MAP3K20: variants seen among roughly 807,000 people sequenced by gnomAD.
The protein encoded by MAP3K20 is HCCS-4.
Under a neutral mutation model 85.7 loss-of-function variants are expected in MAP3K20, and 40 were observed. The ratio of observed to expected loss-of-function variants is 0.47; its 90% CI spans 0.36 to 0.61. The LOEUF is 0.61. Ranked by LOEUF, MAP3K20 falls within the 20% of genes least tolerant of loss-of-function variation. The pLI, the probability that MAP3K20 is intolerant of heterozygous loss-of-function variation, is 0.00. For missense variants in MAP3K20, 817 were observed against 961.7 expected, an observed-to-expected ratio of 0.85 and a Z score of 1.99; for synonymous variants, 325 against 327.7, an observed-to-expected ratio of 0.99 and a Z score of 0.09.
rs566006200 is a variant in MAP3K20 at position 173,166,291 on chromosome 2, T to G, written c.160-3514T>G. On this transcript the variant is annotated intron_variant, in intron 2 of 19. Transcript: ENST00000375213. ...TAATTCCTATTTACAGCAGAAATAA[T>G]GTTTCATTGTTTTTATATATAGCCT... Among the ~76,000 whole-genome samples, 108 of 152,350 alleles carry G rather than the reference T, an allele frequency of 7.1e-4. 1 individual carries two copies. Among genetic ancestry groups the G allele is most frequent in the African/African-American group, 2.5e-3 (102 of 41,582 alleles).
intron 11 of MAP3K20, among the ~76,000 whole-genome samples, chr2:173,219,263 T>C (rs566373762): frequency 6.6e-6 from 1 of 152,346 alleles, no homozygotes; most frequent in Non-Finnish European, 1.5e-5. Flanking sequence ...AAGTTTAACA[T>C]TTATGTAACT....
chr2:173,267,456 G>A lies in MAP3K20; in HGVS notation c.*706G>A, dbSNP rs1685451759. On this transcript the variant is annotated 3_prime_UTR_variant, in exon 20 of 20. Transcript: ENST00000375213. Reference sequence around the variant, plus strand: ...TTTAGTAAGATATTTGTGTCTGTATGATGGTCAGAGTTGAACTGATCTGGC... The same window carrying A: ...TTTAGTAAGATATTTGTGTCTGTATAATGGTCAGAGTTGAACTGATCTGGC... The A allele has an allele frequency of 6.6e-6, 1 of 152,068 alleles. No homozygotes were observed. Among genetic ancestry groups the A allele is most frequent in the Non-Finnish European group, 1.5e-5 (1 of 68,018 alleles). 9.4% of individuals were successfully genotyped at this position (152,068 alleles called of 1,614,324 possible).
chr2:173,183,016 G>A, intron 4 of MAP3K20, 61 bp downstream of exon 4: 1 of 1,298,776 alleles, frequency 7.7e-7, no homozygotes, highest in Admixed American at 2.0e-5. Flanking sequence ...TCCTGAAATG[G>A]GGACTTAACA....
At chr2:173,220,080 G>GAAAAAAAAAAAAAAAA (rs76443589) in intron 11 of MAP3K20, among the ~76,000 whole-genome samples, 5 of 85,498 alleles carry the variant, frequency 5.8e-5, no homozygotes, top group African/African-American at 9.7e-5. Flanking sequence ...AAAAAAAAAG[G>GAAAAAAAAAAAAAAAA]AAACTGATCC....
chr2:173,096,701 C>G (rs1283230913), intron 2 of MAP3K20, among the ~76,000 whole-genome samples: 1 of 152,208 alleles, frequency 6.6e-6, no homozygotes, highest in Non-Finnish European at 1.5e-5. Flanking sequence ...TTTCCACTCT[C>G]AATATGTGGC....
rs574930757 is a variant in MAP3K20, at chr2:173,098,293, T to C, written c.159+7103T>C. 2.0e-3 allele frequency among the ~76,000 whole-genome samples: 304 copies of C among 152,300 alleles called. 3 individuals carry two copies. The highest frequency in any genetic ancestry group is 0.017 in the Middle Eastern group (5 of 294). On this transcript the variant is annotated intron_variant, in intron 2 of 19. Coordinates refer to ENST00000375213, the MANE Select transcript of MAP3K20 (RefSeq NM_016653.3). The stretch of plus-strand genomic sequence containing the variant: ...TTGTTAACTATACCAGAGCTAACAT[T>C]TTAATTTGGTACAAGTTGAGTATCC...
chr2:173,176,423 G>A (rs1371485859), intron 3 of MAP3K20, among the ~76,000 whole-genome samples: 2 of 152,078 alleles, frequency 1.3e-5, no homozygotes, highest in Non-Finnish European at 2.9e-5. Flanking sequence ...AAGGATAAGG[G>A]AGGGAATGGA....
chr2:173,190,813 A>G, intron 5 of MAP3K20, 82 bp from the exon 6 acceptor site: 1 of 1,240,738 alleles, frequency 8.1e-7, no homozygotes, highest in South Asian at 1.4e-5. Context: ...AGACAGAAAT[A>G]GAAGTTTATG....
chr2:173,250,801 G>C (rs116281140), intron 16 of MAP3K20, among the ~76,000 whole-genome samples: 5,338 of 152,196 alleles, frequency 0.035, 203 homozygotes, highest in South Asian at 0.077. Context: ...AGAGTTTCTT[G>C]TGGATTTCTT....
At chr2:173,140,246 G>A (rs942941442) in intron 2 of MAP3K20, among the ~76,000 whole-genome samples, 3 of 152,014 alleles carry the variant, frequency 2.0e-5, no homozygotes, top group East Asian at 3.9e-4. Context: ...TCATGACCTC[G>A]TGATCCACCC....
At chr2:173,170,770 T>C (rs1689976016) in intron 3 of MAP3K20, among the ~76,000 whole-genome samples, 1 of 152,180 alleles carries the variant, frequency 6.6e-6, no homozygotes, top group Non-Finnish European at 1.5e-5. Flanking sequence ...GATAAAATAA[T>C]TCCTATTTTA....
intron 4 of MAP3K20, among the ~76,000 whole-genome samples, chr2:173,184,239 A>G (rs1274284600): frequency 6.6e-6 from 1 of 152,224 alleles, no homozygotes; most frequent in Non-Finnish European, 1.5e-5. Context: ...CTGCCTGAGC[A>G]TTGTGGAAAT....
chr2:173,204,832 G>T (rs552613528), intron 9 of MAP3K20, among the ~76,000 whole-genome samples: 1 of 152,006 alleles, frequency 6.6e-6, no homozygotes, highest in Non-Finnish European at 1.5e-5. Flanking sequence ...GGCTGGGCGC[G>T]GTGGCTCACG....
At chr2:173,242,695 CTTTCTT>C (rs1278583775) in intron 16 of MAP3K20, among the ~76,000 whole-genome samples, 7 of 96,666 alleles carry the variant, frequency 7.2e-5, no homozygotes, top group Admixed American at 2.6e-4. Context: ...CCAGAGTAAT[CTTTCTT>C]TTTTTTTTTT....
chr2:173,171,649 T>A (rs1028699689), intron 3 of MAP3K20, among the ~76,000 whole-genome samples: 8 of 152,222 alleles, frequency 5.3e-5, no homozygotes, highest in African/African-American at 1.9e-4. Context: ...ATTCAGTATT[T>A]GTATCAGACT....
At chr2:173,081,227 A>G (rs995610575) in intron 1 of MAP3K20, among the ~76,000 whole-genome samples, 2 of 143,056 alleles carry the variant, frequency 1.4e-5, no homozygotes, top group Non-Finnish European at 3.0e-5. Flanking sequence ...GAGTCTTGCT[A>G]TGTTGTCCAG....
intron 2 of MAP3K20, among the ~76,000 whole-genome samples, chr2:173,128,921 CTT>C (rs386391866): frequency 1.3e-3 from 147 of 116,100 alleles, no homozygotes; most frequent in African/African-American, 4.4e-3. Flanking sequence ...GAAATCTTTT[CTT>C]TTTTTTTTTT....
intron 10 of MAP3K20, chr2:173,212,375 C>G (rs1185712714): frequency 6.6e-6 from 1 of 152,062 alleles, no homozygotes; most frequent in East Asian, 1.9e-4. Context: ...TACTAGATGT[C>G]TGAGAGCATA....
At chr2:173,085,780 A>G (rs926846303) in intron 1 of MAP3K20, among the ~76,000 whole-genome samples, 1 of 138,192 alleles carries the variant, frequency 7.2e-6, no homozygotes, top group Non-Finnish European at 1.5e-5. Flanking sequence ...TTTGTGTAAA[A>G]GCAATTTTTT....
Sources: gnomAD v4.1 joint callset for allele counts (sites outside exome capture counted in the v4.1 genomes callset) on GRCh38, gnomAD v4.1.1 for gene constraint, MANE v1.5 for transcripts, NCBI Gene and HGNC (gene_info 2026-07-23, HGNC 2026-07-21) for gene names.